The following METTL16 variants were observed in gnomAD, a reference collection of about 807,000 sequenced individuals.
METTL16 encodes methyltransferase 16, RNA N6-adenosine.
METTL16 carries 19 observed loss-of-function variants against 57.9 expected under a neutral mutation model. That is an observed-to-expected ratio of 0.33 (90% CI 0.23 to 0.48). The LOEUF (loss-of-function observed/expected upper bound fraction) is 0.48. METTL16 is among the 20% of genes least tolerant of loss of function. The probability of loss-of-function intolerance (pLI) is 0.99; values close to 1 mark genes in which losing one functional copy is unlikely to be tolerated. For missense variants in METTL16, 434 were observed against 691.5 expected (o/e 0.63, Z 4.18); for synonymous variants, 246 against 255.6 (o/e 0.96, Z 0.36).
chr17:2,491,322 A>C (rs971042065), intron 2 of METTL16, among the ~76,000 whole-genome samples: 1 of 152,052 alleles, frequency 6.6e-6, no homozygotes, highest in African/African-American at 2.4e-5. Flanking sequence ...CCCCAGAATG[A>C]CTCCTGCTCT....
rs752477163 is a variant in METTL16 at position 2,474,386 on chromosome 17, G to GAAAAAAAAAAAAA, written c.329-735_329-723dup. The stretch of plus-strand genomic sequence containing the variant: ...AGTTGTCAGCTGAAAGAAACAAAAA[G>GAAAAAAAAAAAAA]AAAAAAAAAAAAAAAAAAAAAGCTA... On this transcript the variant is annotated intron_variant, in intron 3 of 9. Coordinates refer to ENST00000263092, the MANE Select transcript of METTL16 (RefSeq NM_024086.4). Among the ~76,000 whole-genome samples the GAAAAAAAAAAAAA allele has an allele frequency of 1.0e-3, 60 of 60,210 alleles. 1 individual carries two copies. The highest frequency in any genetic ancestry group is 1.4e-3 in the African/African-American group (33 of 23,236). 39.5% of individuals were successfully genotyped at this position (60,210 alleles called of 152,430 possible). A position where few individuals can be genotyped will look rare whatever the true frequency, so the allele number is the denominator to read the frequency against.
chr17:2,491,701 C>T (rs2067392586), intron 2 of METTL16, among the ~76,000 whole-genome samples: 1 of 150,450 alleles, frequency 6.6e-6, no homozygotes, highest in South Asian at 2.1e-4. Context: ...CGGTGAAACC[C>T]CGTCTCTATT....
intron 6 of METTL16, among the ~76,000 whole-genome samples, chr17:2,444,792 C>T (rs2066982267): frequency 6.6e-6 from 1 of 150,902 alleles, no homozygotes; most frequent in Admixed American, 6.6e-5. Flanking sequence ...TGGCTCACTG[C>T]AAACTCTGCC....
chr17:2,428,602 T>TATATATATATATGTTAAA (rs376112549), intron 8 of METTL16, among the ~76,000 whole-genome samples: 3 of 94,974 alleles, frequency 3.2e-5, no homozygotes, highest in Non-Finnish European at 5.7e-5. Flanking sequence ...TATATATATA[T>TATATATATATATGTTAAA]AAATTGTAAT....
intron 6 of METTL16, among the ~76,000 whole-genome samples, chr17:2,462,638 T>C (rs940280400): frequency 1.3e-5 from 2 of 152,042 alleles, no homozygotes; most frequent in African/African-American, 4.8e-5. Flanking sequence ...CCTCCTTCCC[T>C]CTCTTCCTCC....
At position 2,419,966 on chromosome 17, in the gene METTL16, G is replaced by A. The variant is rs778938997; in HGVS notation, c.*4C>T. 6.2e-7 allele frequency: 1 copy of A among 1,613,960 alleles called. No individual in the cohort carries two copies. Among genetic ancestry groups the A allele is most frequent in the South Asian group, 1.1e-5 (1 of 91,064 alleles). Reference sequence around the variant, plus strand: ...CAACACGTTTCCAACTGTGCAGGAGGTTTCTAGTTAACTGCAACAAGCCTG... The same window carrying A: ...CAACACGTTTCCAACTGTGCAGGAGATTTCTAGTTAACTGCAACAAGCCTG... On this transcript the variant is annotated 3_prime_UTR_variant, in exon 10 of 10. Coordinates refer to ENST00000263092, the MANE Select transcript of METTL16 (RefSeq NM_024086.4).
chr17:2,468,030 T>C (rs1174323587), intron 4 of METTL16, among the ~76,000 whole-genome samples, 154 bp from the exon 5 acceptor site: 1 of 152,346 alleles, frequency 6.6e-6, no homozygotes, highest in African/African-American at 2.4e-5. Context: ...TTTTCTATGT[T>C]TGATATGCTT....
At position 2,470,045 on chromosome 17, in the gene METTL16, A is replaced by G. The variant is rs180990741; in HGVS notation, c.470-2169T>C. The stretch of plus-strand genomic sequence containing the variant: ...ACAAGTCTCTCTTCGTATTTTCATC[A>G]ACTGATAGACACACAACCTTATTTT... On this transcript the variant is annotated intron_variant, in intron 4 of 9. Transcript: ENST00000263092. Among the ~76,000 whole-genome samples, 3 of 152,320 alleles carry G rather than the reference A, an allele frequency of 2.0e-5. No homozygotes were observed. The East Asian group carries it at 5.8e-4, about 29-fold the overall frequency.
intron 8 of METTL16, among the ~76,000 whole-genome samples, chr17:2,435,878 G>A (rs2066905491): frequency 6.6e-6 from 1 of 152,118 alleles, no homozygotes; most frequent in Non-Finnish European, 1.5e-5. Flanking sequence ...CCAAAACAGA[G>A]GAGAGGAGGG....
At chr17:2,506,331 G>A (rs995713574) in intron 1 of METTL16, among the ~76,000 whole-genome samples, 2 of 146,346 alleles carry the variant, frequency 1.4e-5, no homozygotes, top group African/African-American at 2.5e-5. Flanking sequence ...TCCCTCTGAT[G>A]CCGAGCCGAA....
At chr17:2,484,816 G>A (rs780398783) in intron 2 of METTL16, among the ~76,000 whole-genome samples, 1 of 152,138 alleles carries the variant, frequency 6.6e-6, no homozygotes, top group Admixed American at 6.5e-5. Context: ...AGTAGTTAAT[G>A]TTGTGTGGAT....
intron 2 of METTL16, among the ~76,000 whole-genome samples, chr17:2,492,115 G>A (rs1016148878): frequency 6.6e-6 from 1 of 151,376 alleles, no homozygotes; most frequent in Admixed American, 6.6e-5. Context: ...GGAGGCTGAG[G>A]TAGGAGAATG....
intron 1 of METTL16, among the ~76,000 whole-genome samples, chr17:2,510,029 A>G (rs1342362380): frequency 6.6e-6 from 1 of 152,010 alleles, no homozygotes; most frequent in Admixed American, 6.6e-5. Flanking sequence ...GTGAGCCAAG[A>G]TCGTGCTACT....
intron 3 of METTL16, chr17:2,477,454 A>C: frequency 2.0e-6 from 1 of 510,902 alleles, no homozygotes; most frequent in South Asian, 2.5e-5. Flanking sequence ...GAACATCCCT[A>C]ACCCCCAAAT....
At chr17:2,473,769 C>G in intron 3 of METTL16, 105 bp from the exon 4 acceptor site, 11 of 1,211,078 alleles carry the variant, frequency 9.1e-6, no homozygotes, top group African/African-American at 3.0e-5. Context: ...GACAGGGTCT[C>G]ACTCTGTCGC....
chr17:2,489,255 G>A (rs1336912445), intron 2 of METTL16, among the ~76,000 whole-genome samples: 1 of 151,984 alleles, frequency 6.6e-6, no homozygotes, highest in Non-Finnish European at 1.5e-5. Flanking sequence ...AGGCCTTCAG[G>A]CTGATCTTTT....
At chr17:2,424,209 G>A (rs926760588) in intron 8 of METTL16, 15 of 149,538 alleles carry the variant, frequency 1.0e-4, no homozygotes, top group Non-Finnish European at 1.6e-4. Flanking sequence ...CGCCTCCCGG[G>A]TTCACGCCAT....
chr17:2,488,074 C>G (rs2067357039), intron 2 of METTL16, among the ~76,000 whole-genome samples: 1 of 151,732 alleles, frequency 6.6e-6, no homozygotes, highest in South Asian at 2.1e-4. Flanking sequence ...AATTTCAACT[C>G]TAAAAAATGA....
In METTL16 at chr17:2,421,393, C is replaced by A. The variant is rs528012153; in HGVS notation, c.889-489G>T. Among the ~76,000 whole-genome samples the A allele has an allele frequency of 3.3e-5, 5 of 152,076 alleles. 1 individual carries two copies. In the South Asian group the frequency reaches 1.0e-3, roughly 32 times the overall value. ...AATTTTTAATTAAAAAAATAAGAAC[C>A]CCACAAGATAGTTTAGGCATCTCCA... On this transcript the variant is annotated intron_variant, in intron 8 of 9. Coordinates refer to ENST00000263092, the MANE Select transcript of METTL16 (RefSeq NM_024086.4).
Sources: gnomAD v4.1 joint callset for allele counts (sites outside exome capture counted in the v4.1 genomes callset) on GRCh38, gnomAD v4.1.1 for gene constraint, MANE v1.5 for transcripts, NCBI Gene and HGNC (gene_info 2026-07-23, HGNC 2026-07-21) for gene names.